ROBO2: variants seen among roughly 807,000 people sequenced by gnomAD.
ROBO2 encodes roundabout homolog 2.
Under a neutral mutation model 160.8 loss-of-function variants are expected in ROBO2, and 53 were observed. The observed-to-expected ratio is 0.33, with a 90% confidence interval of 0.26 to 0.41. The LOEUF is 0.41. Among genes scored for constraint, ROBO2 ranks in the 10% least tolerant of loss-of-function variants. The probability of loss-of-function intolerance (pLI) is 1.00; values close to 1 mark genes in which losing one functional copy is unlikely to be tolerated. For synonymous variants in ROBO2, 664 were observed against 611.7 expected, an observed-to-expected ratio of 1.09 and a Z score of -1.26; for missense variants, 1,577 against 1,722.4, an observed-to-expected ratio of 0.92 and a Z score of 1.49.
At chr3:76,394,859 T>C (rs2077346557) in intron 2 of ROBO2, among the ~76,000 whole-genome samples, 1 of 152,046 alleles carries the variant, frequency 6.6e-6, no homozygotes, top group African/African-American at 2.4e-5. Flanking sequence ...AGACTTAGAT[T>C]CCCACACAAT....
chr3:77,426,953 A>T (rs72899178), intron 2 of ROBO2, among the ~76,000 whole-genome samples: 21,075 of 152,034 alleles, frequency 0.14, 1,782 homozygotes, highest in African/African-American at 0.23. Context: ...AAGTGTTTGA[A>T]CTCTATGTTC....
intron 2 of ROBO2, among the ~76,000 whole-genome samples, chr3:76,917,055 T>C (rs959111809): frequency 6.6e-6 from 1 of 152,162 alleles, no homozygotes. Context: ...TTAGTGTCTC[T>C]TAAAGGCAGG....
chr3:76,381,969 GT>G (rs940995760), intron 2 of ROBO2, among the ~76,000 whole-genome samples: 1 of 151,608 alleles, frequency 6.6e-6, no homozygotes, highest in African/African-American at 2.4e-5. Context: ...GTTGTTTTTT[GT>G]TTTCTATTGT....
At chr3:76,815,503 G>C (rs1262124630) in intron 2 of ROBO2, among the ~76,000 whole-genome samples, 2 of 150,830 alleles carry the variant, frequency 1.3e-5, no homozygotes, top group Non-Finnish European at 3.0e-5. Flanking sequence ...TAAAAATATT[G>C]TACCCAGCGT....
chr3:76,466,180 T>C (rs1035386523), intron 2 of ROBO2, among the ~76,000 whole-genome samples: 3 of 151,956 alleles, frequency 2.0e-5, no homozygotes, highest in Non-Finnish European at 2.9e-5. Context: ...ACTGTATACC[T>C]ACATATGATA....
intron 2 of ROBO2, among the ~76,000 whole-genome samples, chr3:76,688,441 T>C (rs139991096): frequency 4.3e-4 from 65 of 152,222 alleles, no homozygotes; most frequent in African/African-American, 1.2e-3. Flanking sequence ...CAAATAGTGA[T>C]ACTTTGTGTT....
chr3:77,139,642 G>A (rs2076549001), intron 2 of ROBO2, among the ~76,000 whole-genome samples: 1 of 152,160 alleles, frequency 6.6e-6, no homozygotes, highest in Admixed American at 6.5e-5. Flanking sequence ...CATGCTCACG[G>A]CAGAACAATT....
Position 77,180,416 on chromosome 3 carries a change from C to CTATA in ROBO2, c.388+82088_388+82091dup, listed in dbSNP as rs71104657. ...TCTCTCTCTCTCTCTCTCTCTCTCTCTATATATATATATATGTATTTTTTT... is the reference window on the plus strand; with the variant it reads ...TCTCTCTCTCTCTCTCTCTCTCTCTCTATATATATATATATATATGTATTTTTTT... On this transcript the variant is annotated intron_variant, in intron 2 of 25. Transcript: ENST00000461745. Among the ~76,000 whole-genome samples the CTATA allele has an allele frequency of 1.5e-3, 135 of 90,718 alleles. 1 individual carries two copies. Among genetic ancestry groups the CTATA allele is most frequent in the East Asian group, 0.014 (50 of 3,576 alleles). 59.5% of individuals were successfully genotyped at this position (90,718 alleles called of 152,430 possible). A position where few individuals can be genotyped will look rare whatever the true frequency, so the allele number is the denominator to read the frequency against.
At chr3:76,654,576 C>G (rs1479124427) in intron 2 of ROBO2, among the ~76,000 whole-genome samples, 1 of 152,092 alleles carries the variant, frequency 6.6e-6, no homozygotes, top group Non-Finnish European at 1.5e-5. Context: ...CAGAGATTAA[C>G]TGACCACCTA....
chr3:77,082,044 G>A (rs903433574), intron 1 of ROBO2, among the ~76,000 whole-genome samples: 15 of 152,074 alleles, frequency 9.9e-5, no homozygotes, highest in African/African-American at 2.7e-4. Context: ...ATGCAGAGCC[G>A]GTATTTCTAA....
At chr3:76,877,187 A>G (rs1264543971) in intron 2 of ROBO2, among the ~76,000 whole-genome samples, 3 of 152,234 alleles carry the variant, frequency 2.0e-5, no homozygotes, top group Non-Finnish European at 4.4e-5. Context: ...GTAACACTAA[A>G]GAAATAAGAT....
chr3:76,684,633 C>G (rs1176650269), intron 2 of ROBO2, among the ~76,000 whole-genome samples: 1 of 152,056 alleles, frequency 6.6e-6, no homozygotes, highest in African/African-American at 2.4e-5. Flanking sequence ...AAACATAGAA[C>G]TGTATTCTAC....
chr3:77,106,497 T>A (rs1482905678), intron 2 of ROBO2, among the ~76,000 whole-genome samples: 5 of 152,298 alleles, frequency 3.3e-5, no homozygotes, highest in Admixed American at 6.5e-5. Context: ...TTCGGCAGAA[T>A]ACAGATTTCC....
rs919850128 is a variant in ROBO2, at chr3:76,403,173, A to G, written c.109+465571A>G. 2.2e-4 allele frequency among the ~76,000 whole-genome samples: 34 copies of G among 151,584 alleles called. 1 individual carries two copies. The highest frequency in any genetic ancestry group is 7.3e-4 in the Admixed American group (11 of 15,144). ...ATTATTATGCCTATCACAGGCAATGAGATTTTGTTTCTTAAACGTGTTCAG... is the reference window on the plus strand; with the variant it reads ...ATTATTATGCCTATCACAGGCAATGGGATTTTGTTTCTTAAACGTGTTCAG... On this transcript the variant is annotated intron_variant, in intron 2 of 26. Coordinates refer to the ROBO2 transcript ENST00000487694.
chr3:77,052,362 A>C (rs1308324080), intron 1 of ROBO2, among the ~76,000 whole-genome samples: 1 of 152,110 alleles, frequency 6.6e-6, no homozygotes, highest in Non-Finnish European at 1.5e-5. Flanking sequence ...CTGAGAGTCC[A>C]CTCAGAGCAA....
At chr3:76,846,336 G>T (rs2068770537) in intron 2 of ROBO2, among the ~76,000 whole-genome samples, 1 of 152,080 alleles carries the variant, frequency 6.6e-6, no homozygotes. Context: ...TACCTAGATT[G>T]CTTGTAGCGT....
intron 6 of ROBO2, among the ~76,000 whole-genome samples, chr3:77,537,888 C>T (rs1375763387): frequency 2.0e-5 from 3 of 151,924 alleles, no homozygotes; most frequent in South Asian, 2.1e-4. Context: ...AAGACCCTGC[C>T]CCGTGATTCA....
At chr3:77,021,571 G>C (rs1578310857) in intron 2 of ROBO2, among the ~76,000 whole-genome samples, 1 of 152,162 alleles carries the variant, frequency 6.6e-6, no homozygotes, top group African/African-American at 2.4e-5. Flanking sequence ...CAACAGGAAG[G>C]ATAGTTACAC....
chr3:77,040,107 T>C (rs1025448853), exon 1 of ROBO2: 8 of 971,554 alleles, frequency 8.2e-6, no homozygotes, highest in Non-Finnish European at 9.7e-6. Flanking sequence ...CACGTAGGAG[T>C]TCGGATTCTC....
Sources: gnomAD v4.1 joint callset for allele counts (sites outside exome capture counted in the v4.1 genomes callset) on GRCh38, gnomAD v4.1.1 for gene constraint, MANE v1.5 for transcripts, NCBI Gene and HGNC (gene_info 2026-07-23, HGNC 2026-07-21) for gene names.